Variants in CAB39L observed in about 807,000 individuals in gnomAD.
CAB39L encodes calcium binding protein 39 like, also known as calcium-binding protein 39-like.
A neutral mutation model predicts 39.1 loss-of-function variants in CAB39L; 23 were observed. The observed-to-expected ratio is 0.59, with a 90% CI of 0.42 to 0.83. The LOEUF (loss-of-function observed/expected upper bound fraction) is 0.83, where lower values mean the gene tolerates loss of function less well. CAB39L is among the 40% of genes least tolerant of loss of function. The pLI is 0.00. For synonymous variants in CAB39L, 126 were observed against 137.2 expected (o/e 0.92, Z 0.57); for missense variants, 366 against 391.9 (o/e 0.93, Z 0.56).
chr13:49,396,102 A>C (rs1222484697), intron 3 of CAB39L, among the ~76,000 whole-genome samples: 1 of 151,718 alleles, frequency 6.6e-6, no homozygotes, highest in East Asian at 1.9e-4. Context: ...TGTCTCAAAA[A>C]AAAAAACTTA....
At chr13:49,406,189 A>G (rs551397238) in intron 3 of CAB39L, among the ~76,000 whole-genome samples, 1 of 143,364 alleles carries the variant, frequency 7.0e-6, no homozygotes, top group East Asian at 2.1e-4. Flanking sequence ...TTTTTTTGAG[A>G]TGGAGTCTTG....
intron 1 of CAB39L, among the ~76,000 whole-genome samples, chr13:49,442,808 A>AAAAAC (rs1957559882): frequency 6.7e-6 from 1 of 149,314 alleles, no homozygotes; most frequent in African/African-American, 2.5e-5. Context: ...AAAAAAAAAA[A>AAAAAC]AAAAAAAAAA....
chr13:49,439,258 G>A (rs1050023738), intron 1 of CAB39L, among the ~76,000 whole-genome samples: 2 of 151,830 alleles, frequency 1.3e-5, no homozygotes, highest in African/African-American at 2.4e-5. Flanking sequence ...TTTTTCCCCT[G>A]AAAACATAGA....
rs41284774 is a variant in CAB39L at position 49,308,777 on chromosome 13, G to A, written c.*2037C>T. On this transcript the variant is annotated 3_prime_UTR_variant, in exon 11 of 11. Transcript: ENST00000409308. The stretch of plus-strand genomic sequence containing the variant: ...ACTTTGTGCAAACAAATCCCCCTTT[G>A]TGCAAAGGGGGAGCTTCCTGCTCCC... 889 of 152,560 alleles carry A rather than the reference G, an allele frequency of 5.8e-3. 5 individuals are homozygous for A. The highest frequency in any genetic ancestry group is 8.0e-3 in the Non-Finnish European group (546 of 68,006). The allele number at this position is 152,560 out of a possible 1,614,324, so 9.5% of individuals were successfully genotyped here. A position where few individuals can be genotyped will look rare whatever the true frequency, so the allele number is the denominator to read the frequency against.
rs141662071 is a variant in CAB39L, at chr13:49,410,207, A to G, written c.-32+23111T>C. Among the ~76,000 whole-genome samples the G allele has an allele frequency of 8.8e-4, 134 of 152,314 alleles. No homozygotes were observed. The East Asian group carries it at 0.02, about 23-fold the overall frequency. The stretch of plus-strand genomic sequence containing the variant: ...GTGCCATAACCACAGGCAGATGGTG[A>G]TACTAATAATTCTCATATTTCCCTG... On this transcript the variant is annotated intron_variant, in intron 3 of 10. Transcript: ENST00000409308.
intron 6 of CAB39L, among the ~76,000 whole-genome samples, chr13:49,358,625 C>T (rs1955546544): frequency 6.6e-6 from 1 of 152,166 alleles, no homozygotes; most frequent in African/African-American, 2.4e-5. Flanking sequence ...CTTTGGGAGT[C>T]TGAGGCAGGC....
At chr13:49,358,599 G>A (rs1312035966) in intron 6 of CAB39L, among the ~76,000 whole-genome samples, 4 of 152,138 alleles carry the variant, frequency 2.6e-5, no homozygotes, top group African/African-American at 7.2e-5. Context: ...AGTGGCTCAC[G>A]CCTGTAATTC....
At chr13:49,344,077 G>T (rs1184498326) in intron 8 of CAB39L, 102 bp downstream of exon 8, 9 of 747,524 alleles carry the variant, frequency 1.2e-5, no homozygotes, top group African/African-American at 7.1e-5. Flanking sequence ...GGTTGAATGC[G>T]ACTGATTTCT....
intron 3 of CAB39L, among the ~76,000 whole-genome samples, chr13:49,396,535 C>T (rs1482660093): frequency 1.3e-5 from 2 of 152,118 alleles, no homozygotes; most frequent in Non-Finnish European, 1.5e-5. Flanking sequence ...ATGGTGAAAC[C>T]TCGTCTCTAC....
chr13:49,377,165 A>T, intron 4 of CAB39L, 34 bp from the exon 5 acceptor site: 1 of 1,585,684 alleles, frequency 6.3e-7, no homozygotes, highest in Non-Finnish European at 8.6e-7. Context: ...CGGTTAAAAG[A>T]ATAAAAATGT....
intron 7 of CAB39L, among the ~76,000 whole-genome samples, chr13:49,347,614 A>G (rs1955216547): frequency 6.6e-6 from 1 of 152,214 alleles, no homozygotes; most frequent in African/African-American, 2.4e-5. Context: ...TTTGGTAGAA[A>G]GAAATGGAAT....
intron 3 of CAB39L, among the ~76,000 whole-genome samples, chr13:49,415,395 C>G (rs1040363857): frequency 2.6e-5 from 4 of 151,246 alleles, no homozygotes; most frequent in Non-Finnish European, 5.9e-5. Context: ...GTGGTACACA[C>G]CTGTAATCCC....
Position 49,310,391 on chromosome 13 carries a change from C to T in CAB39L, c.*423G>A, listed in dbSNP as rs1036969319. The T allele has an allele frequency of 2.5e-5, 4 of 162,066 alleles. No individual in the cohort carries two copies. Among genetic ancestry groups the T allele is most frequent in the Admixed American group, 1.8e-4 (3 of 16,776 alleles). The allele number at this position is 162,066 out of a possible 1,614,324, so 10.0% of individuals were successfully genotyped here. On this transcript the variant is annotated 3_prime_UTR_variant, in exon 11 of 11. Transcript: ENST00000409308. Reference sequence around the variant, plus strand: ...CGTTACCTTCTGGGATCTCTCAGTGCCCTGAGCGATCTGTGTGTCTACCTA... The same window carrying T: ...CGTTACCTTCTGGGATCTCTCAGTGTCCTGAGCGATCTGTGTGTCTACCTA...
At chr13:49,358,048 C>T (rs1353771978) in intron 6 of CAB39L, among the ~76,000 whole-genome samples, 1 of 152,158 alleles carries the variant, frequency 6.6e-6, no homozygotes, top group Non-Finnish European at 1.5e-5. Context: ...ATGACAGAAC[C>T]CCCTGATGAA....
At chr13:49,410,828 A>C (rs1164728608) in intron 3 of CAB39L, among the ~76,000 whole-genome samples, 1 of 152,218 alleles carries the variant, frequency 6.6e-6, no homozygotes, top group Admixed American at 6.5e-5. Flanking sequence ...GAATTCATCC[A>C]GTAATTATAG....
At chr13:49,421,017 T>C (rs1457986975) in intron 3 of CAB39L, among the ~76,000 whole-genome samples, 2 of 152,270 alleles carry the variant, frequency 1.3e-5, no homozygotes, top group Admixed American at 1.3e-4. Context: ...ATATTTCAAC[T>C]AAAACCAAAA....
intron 3 of CAB39L, among the ~76,000 whole-genome samples, chr13:49,400,677 T>G (rs1013707681): frequency 6.6e-5 from 10 of 152,136 alleles, no homozygotes; most frequent in African/African-American, 2.2e-4. Flanking sequence ...TCCTTTGAAG[T>G]AACAGTATCA....
At chr13:49,435,101 C>T (rs966295392) in intron 1 of CAB39L, among the ~76,000 whole-genome samples, 1 of 152,084 alleles carries the variant, frequency 6.6e-6, no homozygotes, top group African/African-American at 2.4e-5. Context: ...TTGTTTTTTC[C>T]ACTTCCTATT....
intron 10 of CAB39L, among the ~76,000 whole-genome samples, chr13:49,324,157 CA>C (rs533783468): frequency 9.5e-5 from 14 of 146,642 alleles, no homozygotes; most frequent in East Asian, 2.0e-4. Flanking sequence ...ACTAAAAATA[CA>C]AAAAAAAAAT....
Sources: gnomAD v4.1 joint callset for allele counts (sites outside exome capture counted in the v4.1 genomes callset) on GRCh38, gnomAD v4.1.1 for gene constraint, MANE v1.5 for transcripts, NCBI Gene and HGNC (gene_info 2026-07-23, HGNC 2026-07-21) for gene names.